Variants in KIF21A observed in about 807,000 individuals in gnomAD.
The protein encoded by KIF21A is kinesin family member 21A.
KIF21A carries 114 observed loss-of-function variants against 202.9 expected under a neutral mutation model. That is an observed-to-expected ratio of 0.56 (90% CI 0.48 to 0.66). KIF21A has a LOEUF of 0.66. Among genes scored for constraint, KIF21A ranks in the 30% least tolerant of loss-of-function variants. The probability of loss-of-function intolerance (pLI) is 0.00; values close to 1 mark genes in which losing one functional copy is unlikely to be tolerated. For missense variants in KIF21A, 1,677 were observed against 1,994.9 expected, an observed-to-expected ratio of 0.84 and a Z score of 3.04; for synonymous variants, 667 against 670.8, an observed-to-expected ratio of 0.99 and a Z score of 0.09.
At chr12:39,420,425 A>C (rs1299249459) in intron 1 of KIF21A, among the ~76,000 whole-genome samples, 1 of 152,182 alleles carries the variant, frequency 6.6e-6, no homozygotes, top group Non-Finnish European at 1.5e-5. Context: ...TGGCCAGCTA[A>C]TGAAAGCAAA....
intron 1 of KIF21A, among the ~76,000 whole-genome samples, chr12:39,379,220 C>CT (rs1566055973): frequency 6.6e-6 from 1 of 151,652 alleles, no homozygotes; most frequent in African/African-American, 2.4e-5. Flanking sequence ...GTCCCAGCTA[C>CT]TCAGGACAAT....
chr12:39,376,766 C>G (rs1041635090), intron 1 of KIF21A, among the ~76,000 whole-genome samples: 1 of 152,112 alleles, frequency 6.6e-6, no homozygotes, highest in Non-Finnish European at 1.5e-5. Flanking sequence ...TTTTGTGGTA[C>G]TTTTCAGACT....
At chr12:39,319,435 C>T (rs1244764874) in intron 28 of KIF21A, among the ~76,000 whole-genome samples, 1 of 152,102 alleles carries the variant, frequency 6.6e-6, no homozygotes, top group Non-Finnish European at 1.5e-5. Flanking sequence ...ACAATGTAAA[C>T]ATGAGAGAGC....
intron 11 of KIF21A, among the ~76,000 whole-genome samples, chr12:39,349,270 C>A (rs1365511873): frequency 1.3e-5 from 2 of 152,028 alleles, no homozygotes. Context: ...GGGCAGAAAT[C>A]ATTTTATGTG....
At chr12:39,340,812 T>C (rs957744011) in intron 15 of KIF21A, 94 bp downstream of exon 15, 3 of 883,042 alleles carry the variant, frequency 3.4e-6, no homozygotes, top group Non-Finnish European at 5.3e-6. Context: ...AAGGGTTTAA[T>C]ACGGCTTCTA....
At position 39,370,362 on chromosome 12, in the gene KIF21A, CTCAT is replaced by C. The variant is rs1267100148; in HGVS notation, c.45-105_45-102del. ...ACTCTTGGCCAAATCTTTTTTAAAA[CTCAT>C]GTAATTACCTAATGCTTATTCAGTT... On this transcript the variant is annotated intron_variant, in intron 1 of 37. Coordinates refer to ENST00000361418, the MANE Select transcript of KIF21A (RefSeq NM_001173464.2). The C allele has an allele frequency of 1.0e-5, 8 of 802,350 alleles. No homozygotes were observed. In the Admixed American group the frequency reaches 1.7e-4, roughly 17 times the overall value. The allele number at this position is 802,350 out of a possible 1,614,324, so 49.7% of individuals were successfully genotyped here.
At chr12:39,413,485 C>G (rs746308247) in intron 1 of KIF21A, among the ~76,000 whole-genome samples, 167 of 152,214 alleles carry the variant, frequency 1.1e-3, no homozygotes, top group East Asian at 3.8e-4. Flanking sequence ...TAGATGCCTA[C>G]TGTCATACCT....
At chr12:39,412,173 C>T (rs2140067145) in intron 1 of KIF21A, among the ~76,000 whole-genome samples, 1 of 152,216 alleles carries the variant, frequency 6.6e-6, no homozygotes, top group Admixed American at 6.5e-5. Context: ...ATCCAAAGAA[C>T]ACGTAATAAA....
Position 39,433,302 on chromosome 12 carries a change from A to G in KIF21A, c.44+9625T>C, listed in dbSNP as rs113858663. On this transcript the variant is annotated intron_variant, in intron 1 of 37. Coordinates refer to ENST00000361418, the MANE Select transcript of KIF21A (RefSeq NM_001173464.2). ...AAAATGCCTTCAGGCAAGTCTTTAT[A>G]TAAGTTCTATTAATGAGTATTGCAG... Among the ~76,000 whole-genome samples the G allele has an allele frequency of 2.7e-3, 404 of 152,308 alleles. 3 individuals are homozygous for G. The highest frequency in any genetic ancestry group is 8.9e-3 in the African/African-American group (370 of 41,558).
intron 1 of KIF21A, among the ~76,000 whole-genome samples, chr12:39,415,918 C>G (rs1435329645): frequency 3.9e-5 from 6 of 152,184 alleles, no homozygotes; most frequent in Non-Finnish European, 8.8e-5. Context: ...CCTTTGACCA[C>G]TTCTTTCAAG....
intron 27 of KIF21A, among the ~76,000 whole-genome samples, chr12:39,320,230 T>G (rs969264467): frequency 1.3e-5 from 2 of 152,184 alleles, no homozygotes; most frequent in Non-Finnish European, 2.9e-5. Flanking sequence ...GGTGATCTTA[T>G]TAAATATGTA....
At chr12:39,441,676 A>AAAAAAAAAAAAAAAAAAAAAC (rs1041857523) in intron 1 of KIF21A, among the ~76,000 whole-genome samples, 17 of 137,376 alleles carry the variant, frequency 1.2e-4, no homozygotes, top group African/African-American at 4.7e-4. Context: ...AAAAAAAAAA[A>AAAAAAAAAAAAAAAAAAAAAC]AAAACACTTA....
Position 39,380,274 on chromosome 12 carries a change from C to T in KIF21A, c.45-10013G>A, listed in dbSNP as rs573502460. On this transcript the variant is annotated intron_variant, in intron 1 of 37. Transcript: ENST00000361418. ...TGAGCCACCGCTCCCGGCCTAACAACGCTTTTTTAAAGCACTACCACTGTG... is the reference window on the plus strand; with the variant it reads ...TGAGCCACCGCTCCCGGCCTAACAATGCTTTTTTAAAGCACTACCACTGTG... 1.6e-3 allele frequency among the ~76,000 whole-genome samples: 241 copies of T among 152,228 alleles called. 1 individual carries two copies. Among genetic ancestry groups the T allele is most frequent in the Non-Finnish European group, 1.7e-3 (118 of 67,988 alleles).
chr12:39,312,651 G>A (rs1445419618), intron 31 of KIF21A: 1 of 151,832 alleles, frequency 6.6e-6, no homozygotes, highest in Non-Finnish European at 1.5e-5. Flanking sequence ...TATCTACTAT[G>A]TACCTGCAAA....
intron 20 of KIF21A, 65 bp from the exon 21 acceptor site, chr12:39,332,473 A>AGCCCCCCCC: frequency 1.3e-6 from 1 of 787,552 alleles, no homozygotes; most frequent in Non-Finnish European, 2.0e-6. Context: ...GTACCATCAA[A>AGCCCCCCCC]CCCCCCCACC....
At chr12:39,405,840 GA>G (rs895741668) in intron 1 of KIF21A, among the ~76,000 whole-genome samples, 4 of 150,340 alleles carry the variant, frequency 2.7e-5, no homozygotes, top group Non-Finnish European at 4.4e-5. Flanking sequence ...TAGGCCGTAA[GA>G]AAAAAAAATA....
chr12:39,406,456 T>C (rs1269644213), intron 1 of KIF21A, among the ~76,000 whole-genome samples: 1 of 152,196 alleles, frequency 6.6e-6, no homozygotes, highest in African/African-American at 2.4e-5. Context: ...CTCTATTCTT[T>C]TGGCATCTGC....
At position 39,293,867 on chromosome 12, in the gene KIF21A, C is replaced by T. The variant is rs1942056865; in HGVS notation, c.*557G>A. ...CCCTTCTCTGTTAGTAGATTAAGAT[C>T]AATTCCACCTTATGAAAATTCATCA... On this transcript the variant is annotated 3_prime_UTR_variant, in exon 38 of 38. Transcript: ENST00000361418. 6.5e-6 allele frequency: 1 copy of T among 155,010 alleles called. No homozygotes were observed. The highest frequency in any genetic ancestry group is 1.4e-5 in the Non-Finnish European group (1 of 69,768). The allele number at this position is 155,010 out of a possible 1,614,324, so 9.6% of individuals were successfully genotyped here.
Position 39,436,450 on chromosome 12 carries a change from T to TATA in KIF21A, c.44+6476_44+6477insTAT, listed in dbSNP as rs1424166622. On this transcript the variant is annotated intron_variant, in intron 1 of 37. Transcript: ENST00000361418. Reference sequence around the variant, plus strand: ...TATATATATATATATATATATATATTTTTTTTTTTTTTAGACAGGGTTTCA... The same window carrying TATA: ...TATATATATATATATATATATATATTATATTTTTTTTTTTTAGACAGGGTTTCA... Among the ~76,000 whole-genome samples the TATA allele has an allele frequency of 8.9e-4, 54 of 60,814 alleles. 1 individual carries two copies. Among genetic ancestry groups the TATA allele is most frequent in the East Asian group, 4.9e-3 (9 of 1,846 alleles). 39.9% of individuals were successfully genotyped at this position (60,814 alleles called of 152,430 possible).
Sources: gnomAD v4.1 joint callset for allele counts (sites outside exome capture counted in the v4.1 genomes callset) on GRCh38, gnomAD v4.1.1 for gene constraint, MANE v1.5 for transcripts, NCBI Gene and HGNC (gene_info 2026-07-23, HGNC 2026-07-21) for gene names.